Variants in PITPNC1 observed in about 807,000 individuals in gnomAD.
The protein encoded by PITPNC1 is cytoplasmic phosphatidylinositol transfer protein 1.
A neutral mutation model predicts 44.7 loss-of-function variants in PITPNC1; 18 were observed. The observed-to-expected ratio is 0.40, with a 90% CI of 0.28 to 0.60. PITPNC1 has a LOEUF of 0.60. PITPNC1 is among the 20% of genes least tolerant of loss of function. The pLI, the probability that PITPNC1 is intolerant of heterozygous loss-of-function variation, is 0.39. For synonymous variants in PITPNC1, 141 were observed against 149.6 expected, an observed-to-expected ratio of 0.94 and a Z score of 0.42; for missense variants, 290 against 418.4, an observed-to-expected ratio of 0.69 and a Z score of 2.68.
rs141576234 is a variant in PITPNC1, at chr17:67,403,867, C to T, written c.48+25665C>T. On this transcript the variant is annotated intron_variant, in intron 1 of 8. Transcript: ENST00000581322. ...TGAAACCCTGTCTCCACTAAAAATA[C>T]GAAAATTAGCCGTGTGTGGTGGCAG... Among the ~76,000 whole-genome samples, 966 of 152,196 alleles carry T rather than the reference C, an allele frequency of 6.3e-3. 8 individuals carry two copies. The highest frequency in any genetic ancestry group is 0.022 in the African/African-American group (910 of 41,528).
At chr17:67,670,246 G>A (rs55928427) in intron 7 of PITPNC1, among the ~76,000 whole-genome samples, 2,458 of 152,222 alleles carry the variant, frequency 0.016, 63 homozygotes, top group African/African-American at 0.057. Context: ...ACACTTCTCA[G>A]TTTGGTATTG....
At chr17:67,687,031 A>G (rs1286617370) in intron 8 of PITPNC1, 1 of 1,201,670 alleles carries the variant, frequency 8.3e-7, no homozygotes, top group Non-Finnish European at 1.2e-6. Flanking sequence ...TTTGCATCTA[A>G]TAACGGAAGT....
chr17:67,579,049 T>A (rs1320285211), intron 5 of PITPNC1, among the ~76,000 whole-genome samples: 1 of 152,238 alleles, frequency 6.6e-6, no homozygotes, highest in Non-Finnish European at 1.5e-5. Context: ...GCATGCTTAC[T>A]TACACACATG....
intron 5 of PITPNC1, among the ~76,000 whole-genome samples, chr17:67,606,427 G>C (rs1022159143): frequency 1.3e-5 from 2 of 152,208 alleles, no homozygotes; most frequent in Non-Finnish European, 2.9e-5. Flanking sequence ...TGTTCTTAGA[G>C]AGTGAAGTTT....
intron 5 of PITPNC1, among the ~76,000 whole-genome samples, chr17:67,619,005 G>A (rs1385614521): frequency 6.6e-6 from 1 of 152,046 alleles, no homozygotes; most frequent in Non-Finnish European, 1.5e-5. Context: ...CTTGCAGTGA[G>A]CCGAGATTGC....
chr17:67,659,543 C>T (rs907221277), intron 6 of PITPNC1, among the ~76,000 whole-genome samples: 1 of 152,134 alleles, frequency 6.6e-6, no homozygotes. Context: ...TAAACTGACA[C>T]AATGTCTCTT....
chr17:67,592,657 A>G (rs2041408153), intron 5 of PITPNC1, among the ~76,000 whole-genome samples: 1 of 152,260 alleles, frequency 6.6e-6, no homozygotes, highest in Non-Finnish European at 1.5e-5. Context: ...TTTGATACAT[A>G]ATAGATAATG....
At chr17:67,600,843 T>C (rs958830692) in intron 5 of PITPNC1, among the ~76,000 whole-genome samples, 8 of 151,638 alleles carry the variant, frequency 5.3e-5, no homozygotes, top group Non-Finnish European at 1.2e-4. Flanking sequence ...AAAGCAATAT[T>C]TGAAACAATA....
chr17:67,534,448 G>A (rs994599955), intron 2 of PITPNC1, among the ~76,000 whole-genome samples: 2 of 151,876 alleles, frequency 1.3e-5, no homozygotes, highest in African/African-American at 4.8e-5. Context: ...AACCAGCCTG[G>A]GTAACATGGC....
intron 1 of PITPNC1, among the ~76,000 whole-genome samples, chr17:67,447,511 T>C (rs1040990523): frequency 6.6e-6 from 1 of 151,400 alleles, no homozygotes; most frequent in African/African-American, 2.4e-5. Flanking sequence ...ACTACAGGCA[T>C]GTACCACCAC....
intron 1 of PITPNC1, among the ~76,000 whole-genome samples, chr17:67,384,462 T>G (rs750162949): frequency 5.1e-4 from 77 of 151,430 alleles, no homozygotes; most frequent in Non-Finnish European, 8.7e-4. Context: ...GTCTCGCTCT[T>G]TCGCCCAGGC....
chr17:67,491,441 C>G (rs2039863760), intron 1 of PITPNC1, among the ~76,000 whole-genome samples: 1 of 152,180 alleles, frequency 6.6e-6, no homozygotes, highest in African/African-American at 2.4e-5. Flanking sequence ...GTCTGCCCAC[C>G]AGGAATCCCC....
At chr17:67,446,972 C>T (rs1489072459) in intron 1 of PITPNC1, among the ~76,000 whole-genome samples, 1 of 151,114 alleles carries the variant, frequency 6.6e-6, no homozygotes, top group East Asian at 1.9e-4. Flanking sequence ...CACCTGTAAT[C>T]GCAGCTACTG....
chr17:67,467,991 C>T (rs966877928), intron 1 of PITPNC1, among the ~76,000 whole-genome samples: 2 of 152,160 alleles, frequency 1.3e-5, no homozygotes, highest in Non-Finnish European at 2.9e-5. Context: ...GAGTGGGAAG[C>T]AGACCACAGA....
chr17:67,658,624 C>T (rs2042301712), intron 6 of PITPNC1, among the ~76,000 whole-genome samples: 1 of 152,162 alleles, frequency 6.6e-6, no homozygotes. Flanking sequence ...CCTAGCTGAG[C>T]TAAGGAGCAG....
At chr17:67,410,940 G>C (rs770388161) in intron 1 of PITPNC1, among the ~76,000 whole-genome samples, 10 of 151,786 alleles carry the variant, frequency 6.6e-5, no homozygotes, top group Admixed American at 2.0e-4. Context: ...CAAATTAGCC[G>C]GGCGTGGTGT....
rs903700276 is a variant in PITPNC1, at chr17:67,446,739, T to TG, written c.48+68541dup. On this transcript the variant is annotated intron_variant, in intron 1 of 8. Transcript: ENST00000581322. ...ATGGTGGGTTTTTGAATGGTGGATCTGGGGCCTTGTATGGCAGATGCACCT... is the reference window on the plus strand; with the variant it reads ...ATGGTGGGTTTTTGAATGGTGGATCTGGGGGCCTTGTATGGCAGATGCACCT... 2.0e-5 allele frequency among the ~76,000 whole-genome samples: 3 copies of TG among 151,824 alleles called. 1 individual carries two copies. The highest frequency in any genetic ancestry group is 4.4e-5 in the Non-Finnish European group (3 of 67,932).
chr17:67,656,060 C>G (rs766826121), intron 6 of PITPNC1, among the ~76,000 whole-genome samples: 4 of 152,236 alleles, frequency 2.6e-5, no homozygotes, highest in Non-Finnish European at 5.9e-5. Flanking sequence ...CTTCAGGTTC[C>G]TCATCAAGAG....
intron 4 of PITPNC1, among the ~76,000 whole-genome samples, chr17:67,561,611 T>G (rs565099416): frequency 6.6e-6 from 1 of 152,360 alleles, no homozygotes; most frequent in South Asian, 2.1e-4. Flanking sequence ...GATTCTACTT[T>G]CTTAAGTGAG....
Sources: allele counts gnomAD v4.1 joint callset (sites outside exome capture counted in the v4.1 genomes callset), GRCh38; gene constraint gnomAD v4.1.1; transcripts MANE v1.5; gene names NCBI Gene and HGNC (gene_info 2026-07-23, HGNC 2026-07-21).